Variants in FBXO7 observed in about 807,000 individuals in gnomAD.
FBXO7 encodes F-box only protein 7.
FBXO7 carries 31 observed loss-of-function variants against 50.2 expected under a neutral mutation model. That is an observed-to-expected ratio of 0.62 (90% CI 0.46 to 0.83). FBXO7 has a LOEUF of 0.83. Ranked by LOEUF, FBXO7 falls within the 40% of genes least tolerant of loss-of-function variation. The pLI, the probability that FBXO7 is intolerant of heterozygous loss-of-function variation, is 0.00. For synonymous variants in FBXO7, 256 were observed against 253.1 expected, an observed-to-expected ratio of 1.01 and a Z score of -0.11; for missense variants, 667 against 646.6, an observed-to-expected ratio of 1.03 and a Z score of -0.34.
At chr22:32,492,724 C>A in intron 6 of FBXO7, 1 of 266,118 alleles carries the variant, frequency 3.8e-6, no homozygotes, top group African/African-American at 2.3e-5. Flanking sequence ...GGCATGGAAA[C>A]AGATATAAAA....
At position 32,474,906 on chromosome 22, in the gene FBXO7, C is replaced by A; in HGVS notation, c.-97C>A. On this transcript the variant is annotated 5_prime_UTR_variant, in exon 1 of 9. Coordinates refer to ENST00000266087, the MANE Select transcript of FBXO7 (RefSeq NM_012179.4). ...CCCCTCAGCTCCGGTAGTCGCCAGT[C>A]CGGGGTCGTCGCCGTTTGGGGCGGG... The A allele has an allele frequency of 2.4e-6, 3 of 1,258,324 alleles. No homozygotes were observed. Among genetic ancestry groups the A allele is most frequent in the South Asian group, 1.5e-5 (1 of 66,792 alleles). 77.9% of individuals were successfully genotyped at this position (1,258,324 alleles called of 1,614,324 possible).
At position 32,483,882 on chromosome 22, in the gene FBXO7, G is replaced by A; in HGVS notation, c.418-15G>A. 6.2e-7 allele frequency: 1 copy of A among 1,609,790 alleles called. No individual in the cohort carries two copies. Among genetic ancestry groups the A allele is most frequent in the South Asian group, 1.1e-5 (1 of 91,008 alleles). On this transcript the variant is annotated splice_polypyrimidine_tract_variant and intron_variant, in intron 2 of 8. Coordinates refer to ENST00000266087, the MANE Select transcript of FBXO7 (RefSeq NM_012179.4). ...AAGTCTTTAATTAATTCATTGTTTTGTTTTCCTTTTTCAGTTAGGGCCTAG... is the reference window on the plus strand; with the variant it reads ...AAGTCTTTAATTAATTCATTGTTTTATTTTCCTTTTTCAGTTAGGGCCTAG...
Position 32,483,891 on chromosome 22 carries a change from T to C in FBXO7, c.418-6T>C, listed in dbSNP as rs911978853. On this transcript the variant is annotated splice_region_variant and splice_polypyrimidine_tract_variant and intron_variant, in intron 2 of 8. Transcript: ENST00000266087. ...ATTAATTCATTGTTTTGTTTTCCTT[T>C]TTCAGTTAGGGCCTAGTCAAAATTT... 1 of 1,613,454 alleles carries C rather than the reference T, an allele frequency of 6.2e-7. No homozygotes were observed. The highest frequency in any genetic ancestry group is 8.5e-7 in the Non-Finnish European group (1 of 1,179,334).
chr22:32,496,784 A>AATCTT (rs142615955), intron 8 of FBXO7, among the ~76,000 whole-genome samples: 12,454 of 152,270 alleles, frequency 0.082, 565 homozygotes, highest in Non-Finnish European at 0.1. Flanking sequence ...TTTGACTTTG[A>AATCTT]ATCTTATTAT....
At chr22:32,481,680 T>C (rs1219419551) in intron 2 of FBXO7, among the ~76,000 whole-genome samples, 1 of 152,054 alleles carries the variant, frequency 6.6e-6, no homozygotes, top group African/African-American at 2.4e-5. Flanking sequence ...CCATAGGAGG[T>C]AAATTTACTC....
At chr22:32,481,314 T>G (rs1299877621) in intron 2 of FBXO7, among the ~76,000 whole-genome samples, 1 of 152,196 alleles carries the variant, frequency 6.6e-6, no homozygotes, top group Non-Finnish European at 1.5e-5. Flanking sequence ...TAAATTATAT[T>G]TCTGAGTCTT....
chr22:32,490,098 G>A (rs748724405), intron 5 of FBXO7: 1 of 152,184 alleles, frequency 6.6e-6, no homozygotes, highest in Non-Finnish European at 1.5e-5. Context: ...CTGTTATACT[G>A]AGTGTTTTAT....
chr22:32,487,540 T>C, intron 4 of FBXO7: 1 of 510,306 alleles, frequency 2.0e-6, no homozygotes, highest in East Asian at 3.3e-5. Flanking sequence ...TTAAAGGTGG[T>C]GTTGTAGAGT....
At chr22:32,478,479 T>C (rs186547514) in intron 1 of FBXO7, among the ~76,000 whole-genome samples, 3 of 152,328 alleles carry the variant, frequency 2.0e-5, no homozygotes, top group Non-Finnish European at 4.4e-5. Flanking sequence ...AGGATTACTG[T>C]ATCCCGTCCC....
intron 2 of FBXO7, 127 bp downstream of exon 2, chr22:32,479,402 T>A: frequency 3.9e-5 from 3 of 76,230 alleles, no homozygotes; most frequent in South Asian, 4.1e-4. Flanking sequence ...TATTTTTTTC[T>A]TTTTTTTTTT....
intron 6 of FBXO7, 31 bp downstream of exon 6, chr22:32,491,212 T>C (rs2057533323): frequency 1.4e-6 from 2 of 1,430,042 alleles, no homozygotes; most frequent in East Asian, 2.3e-5. Flanking sequence ...ACAATTTAAA[T>C]GACTGTAAAG....
intron 8 of FBXO7, among the ~76,000 whole-genome samples, 158 bp from the exon 9 acceptor site, chr22:32,497,986 A>C (rs889111239): frequency 6.6e-6 from 1 of 152,206 alleles, no homozygotes; most frequent in African/African-American, 2.4e-5. Context: ...AAACCAAAAA[A>C]ATTTGTGTGA....
intron 2 of FBXO7, among the ~76,000 whole-genome samples, chr22:32,483,379 G>C (rs1335647707): frequency 1.3e-5 from 2 of 152,178 alleles, no homozygotes; most frequent in Admixed American, 6.5e-5. Context: ...GTTTATGTTG[G>C]GGAGGTACTG....
In FBXO7 at chr22:32,474,958, G is replaced by A. The variant is rs1317482745; in HGVS notation, c.-45G>A. 1.3e-6 allele frequency: 2 copies of A among 1,511,568 alleles called. No homozygotes were observed. Among genetic ancestry groups the A allele is most frequent in the Admixed American group, 4.1e-5 (2 of 48,410 alleles). 93.6% of individuals were successfully genotyped at this position (1,511,568 alleles called of 1,614,324 possible). ...GCTGCTCGGCCCCGCCGCCGTCCCC[G>A]TCGCCGCTTCCGGGTCCAGGCCCCT... On this transcript the variant is annotated 5_prime_UTR_variant, in exon 1 of 9. Transcript: ENST00000266087.
At chr22:32,488,320 A>C (rs1241211844) in intron 5 of FBXO7, 2 of 154,030 alleles carry the variant, frequency 1.3e-5, no homozygotes, top group Admixed American at 6.4e-5. Context: ...ACTTTACCAA[A>C]GGTTTGCATT....
At chr22:32,494,572 T>C (rs2057560152) in intron 7 of FBXO7, among the ~76,000 whole-genome samples, 1 of 151,676 alleles carries the variant, frequency 6.6e-6, no homozygotes, top group African/African-American at 2.4e-5. Context: ...CTCAGGCTGG[T>C]CTCCAACTCA....
chr22:32,475,221 G>A (rs2057418678), intron 1 of FBXO7, 97 bp downstream of exon 1: 1 of 1,511,468 alleles, frequency 6.6e-7, no homozygotes, highest in Non-Finnish European at 8.8e-7. Context: ...GCAGGCGCGG[G>A]CGTGGCCGGG....
At chr22:32,490,212 A>G (rs1405643026) in intron 5 of FBXO7, 1 of 152,236 alleles carries the variant, frequency 6.6e-6, no homozygotes, top group Non-Finnish European at 1.5e-5. Flanking sequence ...AATTATAACA[A>G]CGCTTATCTG....
At position 32,481,170 on chromosome 22, in the gene FBXO7, A is replaced by G. The variant is rs149653933; in HGVS notation, c.417+1895A>G. On this transcript the variant is annotated intron_variant, in intron 2 of 8. Transcript: ENST00000266087. ...TAGACATATTAAAAAATACTTTTTA[A>G]TAGATTGGTAAATTGTGAAAATTAT... 4.4e-3 allele frequency among the ~76,000 whole-genome samples: 671 copies of G among 151,830 alleles called. 4 individuals are homozygous for G. The highest frequency in any genetic ancestry group is 7.8e-3 in the Non-Finnish European group (529 of 68,016).
Sources: gnomAD v4.1 joint callset for allele counts (sites outside exome capture counted in the v4.1 genomes callset) on GRCh38, gnomAD v4.1.1 for gene constraint, MANE v1.5 for transcripts, NCBI Gene and HGNC (gene_info 2026-07-23, HGNC 2026-07-21) for gene names.